NOCT: variants seen among roughly 807,000 people sequenced by gnomAD.
NOCT encodes nocturnin, also known as CCR4 carbon catabolite repression 4-like.
In NOCT, 18 loss-of-function variants were observed where a neutral mutation model predicts 35.0. That is an observed-to-expected ratio of 0.51 (90% CI 0.36 to 0.76). The LOEUF (loss-of-function observed/expected upper bound fraction) is 0.76. NOCT is among the 30% of genes least tolerant of loss of function. The pLI, the probability that NOCT is intolerant of heterozygous loss-of-function variation, is 0.01. For missense variants in NOCT, 479 were observed against 541.0 expected, an observed-to-expected ratio of 0.89 and a Z score of 1.14; for synonymous variants, 235 against 226.3, an observed-to-expected ratio of 1.04 and a Z score of -0.34.
At chr4:139,025,820 T>A (rs959471842) in intron 1 of NOCT, among the ~76,000 whole-genome samples, 19 of 145,902 alleles carry the variant, frequency 1.3e-4, no homozygotes, top group African/African-American at 3.8e-4. Flanking sequence ...AAAAAAAAAA[T>A]TTAAATATAG....
At chr4:139,031,468 G>T (rs764671461) in intron 1 of NOCT, among the ~76,000 whole-genome samples, 3 of 151,878 alleles carry the variant, frequency 2.0e-5, no homozygotes, top group Non-Finnish European at 4.4e-5. Context: ...TGATTCCTTA[G>T]TGCTATTAGG....
chr4:139,032,364 G>C (rs541898034), intron 1 of NOCT, among the ~76,000 whole-genome samples: 93 of 152,286 alleles, frequency 6.1e-4, no homozygotes, highest in Non-Finnish European at 1.2e-3. Context: ...GTTGCATTGA[G>C]AGTTATGGCT....
At chr4:139,020,476 C>T (rs924918873) in intron 1 of NOCT, among the ~76,000 whole-genome samples, 1 of 152,270 alleles carries the variant, frequency 6.6e-6, no homozygotes, top group East Asian at 1.9e-4. Flanking sequence ...ACCACACACA[C>T]AATGCCTGGA....
chr4:139,020,803 C>T (rs761287193), intron 1 of NOCT, among the ~76,000 whole-genome samples: 7 of 151,806 alleles, frequency 4.6e-5, no homozygotes, highest in East Asian at 1.9e-4. Flanking sequence ...CAGTGGTTCA[C>T]GCCTGTAATC....
At chr4:139,042,150 C>T (rs1157423452) in intron 1 of NOCT, among the ~76,000 whole-genome samples, 1 of 142,842 alleles carries the variant, frequency 7.0e-6, no homozygotes, top group African/African-American at 2.5e-5. Flanking sequence ...TCACTGCAAC[C>T]ACCATCTCCC....
At chr4:139,031,444 C>T (rs759147833) in intron 1 of NOCT, among the ~76,000 whole-genome samples, 5 of 151,928 alleles carry the variant, frequency 3.3e-5, no homozygotes, top group African/African-American at 9.7e-5. Flanking sequence ...CCACCACGCC[C>T]GGCCTGCCCT....
rs1726909642 is a variant in NOCT at position 139,045,191 on chromosome 4, C to T, written c.1013C>T (p.Ala338Val). The stretch of plus-strand genomic sequence containing the variant: ...ACAGAAGAGGTCTACAAACACTTTG[C>T]TTCCTCCAGCCTCAACCTGAACAGC... ...EPTEEVYKHF[A>V]SSSLNLNSAY... The change falls in exon 3 of 3, where the codon GCT becomes GTT. Residue 338 changes from alanine to valine, a missense_variant. By Grantham distance (64) the Ala-to-Val change is moderately conservative. Around this residue, in one of 2 missense-constraint regions of NOCT, gnomAD observed 214 missense variants for 284.0 expected, o/e 0.75. Coordinates refer to ENST00000280614, the MANE Select transcript of NOCT (RefSeq NM_012118.4). 1.9e-6 allele frequency: 3 copies of T among 1,614,190 alleles called. No individual in the cohort carries two copies. The highest frequency in any genetic ancestry group is 2.5e-6 in the Non-Finnish European group (3 of 1,180,030).
chr4:139,039,773 G>A (rs1726801613), intron 1 of NOCT, among the ~76,000 whole-genome samples: 1 of 152,072 alleles, frequency 6.6e-6, no homozygotes, highest in Non-Finnish European at 1.5e-5. Flanking sequence ...CTATTGCCAG[G>A]CTGGAGTGGA....
At chr4:139,043,048 T>G (rs1726865684) in intron 1 of NOCT, 26 bp from the exon 2 acceptor site, 7 of 1,571,056 alleles carry the variant, frequency 4.5e-6, no homozygotes, top group Non-Finnish European at 5.2e-6. Flanking sequence ...GAGCTGAGTG[T>G]GTAACTGTGA....
intron 1 of NOCT, among the ~76,000 whole-genome samples, chr4:139,020,482 C>T (rs1726388327): frequency 6.6e-6 from 1 of 152,148 alleles, no homozygotes; most frequent in Non-Finnish European, 1.5e-5. Context: ...CACACAATGC[C>T]TGGAAGAAGG....
At chr4:139,032,933 C>T (rs1289416647) in intron 1 of NOCT, among the ~76,000 whole-genome samples, 1 of 152,072 alleles carries the variant, frequency 6.6e-6, no homozygotes, top group African/African-American at 2.4e-5. Flanking sequence ...AGGGTGGCGG[C>T]GTGCACCTGT....
At chr4:139,017,723 A>AG (rs899336362) in intron 1 of NOCT, among the ~76,000 whole-genome samples, 6 of 151,646 alleles carry the variant, frequency 4.0e-5, no homozygotes, top group African/African-American at 1.5e-4. Context: ...TGAACCTGGG[A>AG]GGCGGAGTGT....
chr4:139,042,877 G>C (rs1010207865), intron 1 of NOCT, among the ~76,000 whole-genome samples, 197 bp from the exon 2 acceptor site: 8 of 149,784 alleles, frequency 5.3e-5, no homozygotes, highest in African/African-American at 2.0e-4. Flanking sequence ...TTGTGCCATT[G>C]CACTCCAGCC....
At chr4:139,037,097 A>G (rs1726749346) in intron 1 of NOCT, among the ~76,000 whole-genome samples, 1 of 152,304 alleles carries the variant, frequency 6.6e-6, no homozygotes, top group East Asian at 1.9e-4. Flanking sequence ...GTTGTGGTTA[A>G]ATACTCTGGC....
chr4:139,039,346 C>T (rs1031800567), intron 1 of NOCT, among the ~76,000 whole-genome samples: 16 of 124,916 alleles, frequency 1.3e-4, no homozygotes, highest in African/African-American at 4.8e-4. Context: ...TAAAACATTG[C>T]AGTTGAAGTC....
At chr4:139,033,297 G>A (rs1166324974) in intron 1 of NOCT, among the ~76,000 whole-genome samples, 3 of 152,030 alleles carry the variant, frequency 2.0e-5, no homozygotes, top group South Asian at 4.1e-4. Context: ...CCGGGGGGGC[G>A]GAGGTTGCAG....
intron 1 of NOCT, among the ~76,000 whole-genome samples, chr4:139,038,687 A>G (rs1383305855): frequency 6.6e-6 from 1 of 152,166 alleles, no homozygotes; most frequent in Non-Finnish European, 1.5e-5. Flanking sequence ...CTTATGAAAA[A>G]AGTTTAAAAT....
At chr4:139,017,147 A>G (rs569442881) in intron 1 of NOCT, among the ~76,000 whole-genome samples, 36 of 150,646 alleles carry the variant, frequency 2.4e-4, no homozygotes, top group Admixed American at 4.6e-4. Context: ...ACACATTACC[A>G]TGGCCACAAA....
At chr4:139,024,032 G>A (rs990323683) in intron 1 of NOCT, among the ~76,000 whole-genome samples, 1 of 142,706 alleles carries the variant, frequency 7.0e-6, no homozygotes, top group Non-Finnish European at 1.5e-5. Context: ...TCTATCCTCC[G>A]TGTCTATTCA....
Sources: allele counts gnomAD v4.1 joint callset (sites outside exome capture counted in the v4.1 genomes callset), GRCh38; gene constraint gnomAD v4.1.1; regional missense constraint gnomAD v4.1.1; transcripts MANE v1.5; gene names NCBI Gene and HGNC (gene_info 2026-07-23, HGNC 2026-07-21).